The following MICAL3 variants were observed in gnomAD, a reference collection of about 807,000 sequenced individuals.
MICAL3 encodes the protein microtubule associated monooxygenase, calponin and LIM domain containing 3, also known as [F-actin]-monooxygenase MICAL3.
In MICAL3, 62 loss-of-function variants were observed where a neutral mutation model predicts 207.4. The observed-to-expected ratio is 0.30, with a 90% confidence interval of 0.24 to 0.37. MICAL3 has a LOEUF of 0.37. Ranked by LOEUF, MICAL3 falls within the 10% of genes least tolerant of loss-of-function variation. The pLI is 1.00. For synonymous variants in MICAL3, 1,077 were observed against 1,069.3 expected, an observed-to-expected ratio of 1.01 and a Z score of -0.14; for missense variants, 2,368 against 2,635.6, an observed-to-expected ratio of 0.90 and a Z score of 2.22.
rs753889440 is a variant in MICAL3, at chr22:17,864,964, T to C, written c.2540A>G (p.Asp847Gly). The change falls in exon 19 of 32, where the codon GAT becomes GGT. Residue 847 changes from aspartate to glycine, a missense_variant. Physicochemically the swap from Asp to Gly is moderately conservative, Grantham distance 94. Coordinates refer to ENST00000441493, the MANE Select transcript of MICAL3 (RefSeq NM_015241.3). ...SGKEAKGPLQ[D>G]GATTDANGRA... Reference sequence around the variant, plus strand: ...TCCGTTTGCATCTGTGGTGGCGCCATCCTGCAGGGGTCCTTTGGCCTCCTA... The same window carrying C: ...TCCGTTTGCATCTGTGGTGGCGCCACCCTGCAGGGGTCCTTTGGCCTCCTA... The C allele has an allele frequency of 2.5e-6, 4 of 1,609,834 alleles. No homozygotes were observed. Among genetic ancestry groups the C allele is most frequent in the African/African-American group, 1.3e-5 (1 of 74,800 alleles).
chr22:17,920,612 C>T (rs915064740), intron 1 of MICAL3, among the ~76,000 whole-genome samples: 13 of 152,298 alleles, frequency 8.5e-5, no homozygotes, highest in Non-Finnish European at 1.3e-4. Flanking sequence ...TTTCATCTGC[C>T]GCTCTCAAAA....
intron 1 of MICAL3, among the ~76,000 whole-genome samples, chr22:17,951,867 T>C (rs559007276): frequency 1.3e-5 from 2 of 152,202 alleles, no homozygotes; most frequent in South Asian, 4.2e-4. Flanking sequence ...CGGTTAATTT[T>C]TGTATTTTCA....
intron 13 of MICAL3, among the ~76,000 whole-genome samples, chr22:17,888,208 G>A (rs185934955): frequency 2.0e-5 from 3 of 152,198 alleles, no homozygotes; most frequent in African/African-American, 4.8e-5. Context: ...ATAGGTTGAC[G>A]GAAAGTGAGA....
chr22:17,969,992 G>A (rs143166141), intron 1 of MICAL3, among the ~76,000 whole-genome samples: 1 of 152,342 alleles, frequency 6.6e-6, no homozygotes, highest in Non-Finnish European at 1.5e-5. Flanking sequence ...CACATAGTCG[G>A]TAATCAGACT....
At position 17,995,491 on chromosome 22, in the gene MICAL3, ATTTTTTTTTTT is replaced by A. The variant is rs138357470; in HGVS notation, c.-75+28779_-75+28789del. Among the ~76,000 whole-genome samples the A allele has an allele frequency of 4.4e-3, 343 of 77,632 alleles. 2 individuals are homozygous for A. The highest frequency in any genetic ancestry group is 6.1e-3 in the Non-Finnish European group (265 of 43,108). The allele number at this position is 77,632 out of a possible 152,430, so 50.9% of individuals were successfully genotyped here. ...GACATTGCACCCAGCCTTTTCTTTA[ATTTTTTTTTTT>A]TTTTTTTTTTTTTTTTTTGGGACAG... On this transcript the variant is annotated intron_variant, in intron 1 of 31. Transcript: ENST00000441493.
chr22:17,981,642 G>A (rs1935913050), intron 1 of MICAL3, among the ~76,000 whole-genome samples: 1 of 152,152 alleles, frequency 6.6e-6, no homozygotes, highest in African/African-American at 2.4e-5. Context: ...TGACATGTGA[G>A]CGCAGACACA....
chr22:17,912,987 A>G (rs2146281506), intron 1 of MICAL3, among the ~76,000 whole-genome samples: 1 of 152,280 alleles, frequency 6.6e-6, no homozygotes, highest in East Asian at 1.9e-4. Flanking sequence ...TTACTAGGTG[A>G]AGGTAATTTT....
chr22:17,850,941 T>C (rs74447254), intron 19 of MICAL3, among the ~76,000 whole-genome samples: 274 of 152,318 alleles, frequency 1.8e-3, no homozygotes, highest in African/African-American at 6.2e-3. Context: ...CAGGTAAACC[T>C]TGACTTGATT....
chr22:17,952,700 G>A (rs1424200734), intron 1 of MICAL3, among the ~76,000 whole-genome samples: 3 of 149,674 alleles, frequency 2.0e-5, no homozygotes, highest in Non-Finnish European at 4.4e-5. Context: ...CACAGGCGGG[G>A]CGTCAGAGAG....
At chr22:17,993,566 A>T (rs901058558) in intron 1 of MICAL3, among the ~76,000 whole-genome samples, 4 of 152,092 alleles carry the variant, frequency 2.6e-5, no homozygotes, top group Non-Finnish European at 4.4e-5. Flanking sequence ...GGAGCAGGGC[A>T]GCCCTCAGCA....
At chr22:17,936,404 A>G (rs1335358640) in intron 1 of MICAL3, among the ~76,000 whole-genome samples, 1 of 152,064 alleles carries the variant, frequency 6.6e-6, no homozygotes, top group African/African-American at 2.4e-5. Context: ...GGCGGGGAAC[A>G]CCACACACCA....
intron 17 of MICAL3, among the ~76,000 whole-genome samples, chr22:17,870,137 C>T (rs1223492089): frequency 2.0e-5 from 3 of 152,152 alleles, no homozygotes; most frequent in South Asian, 2.1e-4. Flanking sequence ...TGGTTTAGAA[C>T]GGCTGTCTTC....
At chr22:17,966,252 GC>G (rs1403266054) in intron 1 of MICAL3, among the ~76,000 whole-genome samples, 5 of 152,138 alleles carry the variant, frequency 3.3e-5, no homozygotes, top group Admixed American at 6.5e-5. Context: ...TGAGATAACT[GC>G]CCTCCAAAGT....
intron 16 of MICAL3, among the ~76,000 whole-genome samples, chr22:17,878,080 C>G (rs1437189895): frequency 6.6e-6 from 1 of 152,126 alleles, no homozygotes; most frequent in East Asian, 1.9e-4. Flanking sequence ...GTCTCGATCT[C>G]CTGACCTCGT....
rs886535383 is a variant in MICAL3 at position 17,897,076 on chromosome 22, C to G, written c.949-95G>C. 13 of 1,385,068 alleles carry G rather than the reference C, an allele frequency of 9.4e-6. No individual in the cohort carries two copies. In the Admixed American group the frequency reaches 1.8e-4, roughly 19 times the overall value. 85.8% of individuals were successfully genotyped at this position (1,385,068 alleles called of 1,614,324 possible). A position where few individuals can be genotyped will look rare whatever the true frequency, so the allele number is the denominator to read the frequency against. On this transcript the variant is annotated intron_variant, in intron 7 of 31. Transcript: ENST00000441493. Reference sequence around the variant, plus strand: ...CCCAGGGCCACAGCTTCTTCTTCCCCCTAAAGTGACTCCACGTTCCAAAAC... The same window carrying G: ...CCCAGGGCCACAGCTTCTTCTTCCCGCTAAAGTGACTCCACGTTCCAAAAC...
intron 19 of MICAL3, among the ~76,000 whole-genome samples, chr22:17,854,547 C>T (rs917393748): frequency 1.2e-4 from 18 of 151,968 alleles, no homozygotes; most frequent in African/African-American, 3.9e-4. Context: ...CTGGGCTTGC[C>T]GTCCACAGAC....
chr22:17,975,506 C>A (rs887047143), intron 1 of MICAL3, among the ~76,000 whole-genome samples: 1 of 152,102 alleles, frequency 6.6e-6, no homozygotes, highest in Non-Finnish European at 1.5e-5. Flanking sequence ...CGCTCCCATG[C>A]CCCACACCCA....
chr22:17,889,038 A>G lies in MICAL3; in HGVS notation c.1887T>C (p.Ser629=). Residue 629 remains serine (S), a synonymous_variant, in exon 13 of 32, where the codon TCT becomes TCC. Transcript: ENST00000441493. ...FYEMFKDSLP[S]SDTLDLNAEE... ...GCAGCTCCTTCCAGGCCTTACCGCTAGAGGGGAGGGAGTCCTTAAACATCT... is the reference window on the plus strand; with the variant it reads ...GCAGCTCCTTCCAGGCCTTACCGCTGGAGGGGAGGGAGTCCTTAAACATCT... 6.3e-7 allele frequency: 1 copy of G among 1,599,812 alleles called. No homozygotes were observed.
intron 1 of MICAL3, chr22:18,001,561 A>G (rs1923020909): frequency 6.6e-6 from 1 of 152,242 alleles, no homozygotes; most frequent in African/African-American, 2.4e-5. Context: ...CTCGGGCCGG[A>G]CCACGGGACC....
Sources: allele counts gnomAD v4.1 joint callset (sites outside exome capture counted in the v4.1 genomes callset), GRCh38; gene constraint gnomAD v4.1.1; transcripts MANE v1.5; gene names NCBI Gene and HGNC (gene_info 2026-07-23, HGNC 2026-07-21).